MLLT3: variants seen among roughly 807,000 people sequenced by gnomAD.
The protein encoded by MLLT3 is MLLT3 super elongation complex subunit.
In MLLT3, 4 loss-of-function variants were observed where a neutral mutation model predicts 53.2. The observed-to-expected ratio is 0.08, with a 90% CI of 0.04 to 0.17. The LOEUF is 0.17. MLLT3 is among the 10% of genes least tolerant of loss of function. The probability of loss-of-function intolerance (pLI) is 1.00; values close to 1 mark genes in which losing one functional copy is unlikely to be tolerated. For synonymous variants in MLLT3, 283 were observed against 230.6 expected, an observed-to-expected ratio of 1.23 and a Z score of -2.06; for missense variants, 569 against 684.0, an observed-to-expected ratio of 0.83 and a Z score of 1.87.
chr9:20,611,428 G>C (rs779999626), intron 2 of MLLT3, among the ~76,000 whole-genome samples: 4 of 151,930 alleles, frequency 2.6e-5, no homozygotes, highest in Non-Finnish European at 5.9e-5. Context: ...TACACACACA[G>C]AGCATTTTGC....
At chr9:20,467,638 G>A (rs565959307) in intron 2 of MLLT3, among the ~76,000 whole-genome samples, 1 of 152,116 alleles carries the variant, frequency 6.6e-6, no homozygotes, top group African/African-American at 2.4e-5. Context: ...TTATTTAGGA[G>A]TAATAAAAAA....
intron 2 of MLLT3, among the ~76,000 whole-genome samples, chr9:20,459,306 G>A (rs562179711): frequency 9.9e-5 from 15 of 152,224 alleles, no homozygotes; most frequent in South Asian, 4.1e-4. Flanking sequence ...ATAGAAAAAC[G>A]AAAACGTGAA....
intron 4 of MLLT3, among the ~76,000 whole-genome samples, chr9:20,426,004 T>C (rs936921867): frequency 6.6e-6 from 1 of 152,032 alleles, no homozygotes; most frequent in African/African-American, 2.4e-5. Context: ...AAATATATAA[T>C]GCCCTTTTTT....
intron 5 of MLLT3, among the ~76,000 whole-genome samples, chr9:20,371,459 G>A (rs968516498): frequency 2.0e-5 from 3 of 152,234 alleles, no homozygotes; most frequent in African/African-American, 7.2e-5. Flanking sequence ...GTGAATTTAA[G>A]TTGAAGCTAA....
At chr9:20,458,745 T>C (rs1267964610) in intron 2 of MLLT3, among the ~76,000 whole-genome samples, 1 of 152,148 alleles carries the variant, frequency 6.6e-6, no homozygotes, top group African/African-American at 2.4e-5. Flanking sequence ...AATCCATTTG[T>C]GTTGTTTATA....
At chr9:20,350,307 A>C (rs960500709) in intron 10 of MLLT3, among the ~76,000 whole-genome samples, 1 of 152,158 alleles carries the variant, frequency 6.6e-6, no homozygotes, top group Non-Finnish European at 1.5e-5. Flanking sequence ...AGATAAGAAA[A>C]ACAGGCGGCC....
chr9:20,549,219 G>C (rs905739678), intron 2 of MLLT3, among the ~76,000 whole-genome samples: 4 of 152,172 alleles, frequency 2.6e-5, no homozygotes, highest in Non-Finnish European at 4.4e-5. Flanking sequence ...TAAATTATAA[G>C]ATTCCTTGGC....
intron 2 of MLLT3, among the ~76,000 whole-genome samples, chr9:20,573,471 T>C (rs976689833): frequency 6.6e-6 from 1 of 152,140 alleles, no homozygotes; most frequent in Non-Finnish European, 1.5e-5. Context: ...TGAACCACTG[T>C]GGCCAGCCAC....
intron 3 of MLLT3, among the ~76,000 whole-genome samples, chr9:20,454,994 A>G (rs114655382): frequency 1.4e-3 from 211 of 152,348 alleles, no homozygotes; most frequent in African/African-American, 4.9e-3. Context: ...GGATGACTAT[A>G]ATAGAAAATA....
chr9:20,571,258 G>A (rs150814612), intron 2 of MLLT3, among the ~76,000 whole-genome samples: 3 of 152,264 alleles, frequency 2.0e-5, no homozygotes, highest in Non-Finnish European at 4.4e-5. Context: ...TACACAATGG[G>A]ATTGCCTCAA....
intron 2 of MLLT3, among the ~76,000 whole-genome samples, chr9:20,585,721 CA>C (rs1193360343): frequency 1.3e-5 from 2 of 152,174 alleles, no homozygotes; most frequent in Admixed American, 6.5e-5. Context: ...CAAGGTGTCG[CA>C]AAATACTCTT....
At chr9:20,433,258 A>C (rs973041677) in intron 4 of MLLT3, among the ~76,000 whole-genome samples, 2 of 152,182 alleles carry the variant, frequency 1.3e-5, no homozygotes, top group Non-Finnish European at 2.9e-5. Flanking sequence ...AAAGGTTAAA[A>C]AGTATGCAAA....
intron 5 of MLLT3, among the ~76,000 whole-genome samples, chr9:20,397,276 A>G (rs748403161): frequency 6.6e-6 from 1 of 152,136 alleles, no homozygotes; most frequent in Non-Finnish European, 1.5e-5. Context: ...TTTGTACATT[A>G]TTGGTTTCTA....
At chr9:20,541,813 A>G (rs1158069327) in intron 2 of MLLT3, among the ~76,000 whole-genome samples, 2 of 152,184 alleles carry the variant, frequency 1.3e-5, no homozygotes, top group Non-Finnish European at 2.9e-5. Flanking sequence ...AAATTCAGTC[A>G]TATCTTCAGG....
chr9:20,460,792 C>A (rs12005512), intron 2 of MLLT3, among the ~76,000 whole-genome samples: 12,586 of 152,158 alleles, frequency 0.083, 1,462 homozygotes, highest in African/African-American at 0.25. Context: ...GACAGTAACC[C>A]ATCAAATTCT....
At chr9:20,388,856 C>T (rs767412436) in intron 5 of MLLT3, among the ~76,000 whole-genome samples, 1 of 152,082 alleles carries the variant, frequency 6.6e-6, no homozygotes, top group Non-Finnish European at 1.5e-5. Context: ...ACTGACCTAA[C>T]GTGACATTCC....
At chr9:20,581,878 G>C (rs1819801097) in intron 2 of MLLT3, among the ~76,000 whole-genome samples, 1 of 152,092 alleles carries the variant, frequency 6.6e-6, no homozygotes, top group Non-Finnish European at 1.5e-5. Context: ...TATTTAAGGA[G>C]AGCAACCCTC....
At chr9:20,463,713 C>T (rs1047433968) in intron 2 of MLLT3, among the ~76,000 whole-genome samples, 39 of 152,088 alleles carry the variant, frequency 2.6e-4, no homozygotes, top group African/African-American at 9.4e-4. Context: ...AGAGAAGGTT[C>T]AACCTAGAAA....
intron 4 of MLLT3, among the ~76,000 whole-genome samples, chr9:20,432,829 A>G (rs118161474): frequency 6.6e-6 from 1 of 152,042 alleles, no homozygotes; most frequent in Non-Finnish European, 1.5e-5. Context: ...GAGCTCCTAC[A>G]TATGTATGCT....
Sources: allele counts gnomAD v4.1 joint callset (sites outside exome capture counted in the v4.1 genomes callset), GRCh38; gene constraint gnomAD v4.1.1; transcripts MANE v1.5; gene names NCBI Gene and HGNC (gene_info 2026-07-23, HGNC 2026-07-21).